SCN9A: variants seen among roughly 807,000 people sequenced by gnomAD.
The protein encoded by SCN9A is sodium voltage-gated channel alpha subunit 9.
In SCN9A, 131 loss-of-function variants were observed where a neutral mutation model predicts 187.0. That is an observed-to-expected ratio of 0.70 (90% CI 0.61 to 0.81). The LOEUF (loss-of-function observed/expected upper bound fraction) is 0.81, where lower values mean the gene tolerates loss of function less well. Ranked by LOEUF, SCN9A falls within the 30% of genes least tolerant of loss-of-function variation. The pLI, the probability that SCN9A is intolerant of heterozygous loss-of-function variation, is 0.00. For missense variants in SCN9A, 2,252 were observed against 2,396.6 expected (o/e 0.94, Z 1.26); for synonymous variants, 809 against 808.6 (o/e 1.00, Z -0.01).
intron 1 of SCN9A, among the ~76,000 whole-genome samples, chr2:166,371,153 T>C (rs1382025756): frequency 1.3e-5 from 2 of 152,226 alleles, no homozygotes; most frequent in African/African-American, 4.8e-5. Flanking sequence ...AATCTAAAGA[T>C]AGTTCATCTC....
intron 2 of SCN9A, among the ~76,000 whole-genome samples, chr2:166,310,130 C>T (rs1698895162): frequency 9.6e-6 from 1 of 104,124 alleles, no homozygotes; most frequent in East Asian, 2.3e-4. Flanking sequence ...AAACATTAGA[C>T]CTAAAACCAT....
chr2:166,304,228 T>G lies in SCN9A; in HGVS notation c.688+10A>C. The G allele has an allele frequency of 2.5e-6, 4 of 1,612,560 alleles. No individual in the cohort carries two copies. The highest frequency in any genetic ancestry group is 3.4e-6 in the Non-Finnish European group (4 of 1,178,716). ...GAGTGGCCTAATGCTTCACACCAAT[T>G]ACTTCTTACCTGGGATTACAGAAAT... On this transcript the variant is annotated intron_variant, in intron 6 of 26. Transcript: ENST00000642356.
chr2:166,338,228 T>A (rs6432904), intron 1 of SCN9A, among the ~76,000 whole-genome samples: 73,212 of 151,926 alleles, frequency 0.48, 20,719 homozygotes, highest in African/African-American at 0.8. Context: ...ACATGAACCC[T>A]TATCAATTGT....
intron 1 of SCN9A, among the ~76,000 whole-genome samples, chr2:166,371,474 T>C (rs140574148): frequency 4.6e-5 from 7 of 152,296 alleles, no homozygotes; most frequent in Non-Finnish European, 8.8e-5. Context: ...CCTAAAGCCA[T>C]TTCCTTCCAG....
chr2:166,233,561 C>A (rs1388162487), intron 20 of SCN9A, 99 bp from the exon 21 acceptor site: 3 of 890,096 alleles, frequency 3.4e-6, no homozygotes, highest in Non-Finnish European at 4.9e-6. Context: ...TCAACAGGAA[C>A]AATAAGATGG....
chr2:166,317,561 C>T (rs561726025), intron 1 of SCN9A, among the ~76,000 whole-genome samples: 9 of 152,106 alleles, frequency 5.9e-5, no homozygotes, highest in Non-Finnish European at 1.3e-4. Context: ...AATATTTATT[C>T]TGAACTCTTT....
intron 16 of SCN9A, among the ~76,000 whole-genome samples, chr2:166,274,758 T>C (rs1466197287): frequency 6.7e-6 from 1 of 150,294 alleles, no homozygotes; most frequent in Non-Finnish European, 1.5e-5. Context: ...ATCCCCTCTG[T>C]TTTTTACTAT....
chr2:166,282,036 C>T (rs1697514174), intron 12 of SCN9A, among the ~76,000 whole-genome samples: 1 of 152,090 alleles, frequency 6.6e-6, no homozygotes, highest in Non-Finnish European at 1.5e-5. Context: ...GCTTCATATT[C>T]TTGTGAGGAT....
At position 166,275,158 on chromosome 2, in the gene SCN9A, A is replaced by G. The variant is rs550889356; in HGVS notation, c.2874+1825T>C. Among the ~76,000 whole-genome samples the G allele has an allele frequency of 3.9e-5, 6 of 152,320 alleles. No individual in the cohort carries two copies. In the South Asian group the frequency reaches 1.2e-3, roughly 32 times the overall value. ...TGGAAAATGTGGTGAGAGCCAAGGG[A>G]ATGCCTTTCCCTTTGAATTTGCCTG... On this transcript the variant is annotated intron_variant, in intron 16 of 26. Coordinates refer to ENST00000642356, the MANE Select transcript of SCN9A (RefSeq NM_001365536.1).
intron 26 of SCN9A, among the ~76,000 whole-genome samples, chr2:166,200,938 T>A (rs916397191): frequency 6.6e-6 from 1 of 152,206 alleles, no homozygotes; most frequent in Non-Finnish European, 1.5e-5. Context: ...GCCCAGCCTG[T>A]AACCTATTTT....
intron 1 of SCN9A, among the ~76,000 whole-genome samples, chr2:166,344,764 A>C (rs1464763172): frequency 3.3e-5 from 5 of 152,196 alleles, no homozygotes; most frequent in Admixed American, 2.0e-4. Context: ...AAAAACAATC[A>C]AGATACCAAA....
At chr2:166,307,469 C>T (rs1181256766) in intron 2 of SCN9A, among the ~76,000 whole-genome samples, 1 of 152,260 alleles carries the variant, frequency 6.6e-6, no homozygotes, top group East Asian at 1.9e-4. Flanking sequence ...ATATTTTTAT[C>T]ATAAAACCTT....
chr2:166,243,810 T>C (rs965349434), intron 18 of SCN9A, among the ~76,000 whole-genome samples: 1 of 151,820 alleles, frequency 6.6e-6, no homozygotes. Context: ...CAAATTGCAA[T>C]GTAAATAGAT....
At chr2:166,211,957 C>A (rs775539311) in intron 24 of SCN9A, among the ~76,000 whole-genome samples, 1 of 152,034 alleles carries the variant, frequency 6.6e-6, no homozygotes, top group African/African-American at 2.4e-5. Context: ...ATTAAACTTC[C>A]CAATCAAAAG....
intron 1 of SCN9A, among the ~76,000 whole-genome samples, chr2:166,334,436 C>T (rs1699579732): frequency 6.6e-6 from 1 of 151,986 alleles, no homozygotes; most frequent in Admixed American, 6.6e-5. Context: ...AAATATCACA[C>T]CTTTATGCAA....
At chr2:166,232,778 A>G (rs1444443492) in intron 21 of SCN9A, among the ~76,000 whole-genome samples, 3 of 149,202 alleles carry the variant, frequency 2.0e-5, no homozygotes, top group Non-Finnish European at 4.4e-5. Flanking sequence ...ATGCATATAT[A>G]TACTAATATG....
intron 1 of SCN9A, among the ~76,000 whole-genome samples, chr2:166,328,576 C>T (rs964086017): frequency 3.3e-5 from 5 of 151,868 alleles, no homozygotes; most frequent in Non-Finnish European, 5.9e-5. Context: ...TCTGAAAACT[C>T]AAGTTGAGAG....
intron 10 of SCN9A, among the ~76,000 whole-genome samples, chr2:166,287,402 C>T (rs1697816984): frequency 2.0e-5 from 3 of 151,730 alleles, no homozygotes; most frequent in South Asian, 4.2e-4. Flanking sequence ...TTTAAAAAAA[C>T]ACATAGTTCT....
chr2:166,337,749 C>T (rs1699664638), intron 1 of SCN9A, among the ~76,000 whole-genome samples: 1 of 152,142 alleles, frequency 6.6e-6, no homozygotes, highest in Admixed American at 6.6e-5. Flanking sequence ...GACTCCAACA[C>T]TGAAAAGCTA....
Sources: gnomAD v4.1 joint callset for allele counts (sites outside exome capture counted in the v4.1 genomes callset) on GRCh38, gnomAD v4.1.1 for gene constraint, MANE v1.5 for transcripts, NCBI Gene and HGNC (gene_info 2026-07-23, HGNC 2026-07-21) for gene names.